Variants in LRRC9 observed in about 807,000 individuals in gnomAD.
The protein encoded by LRRC9 is leucine rich repeat containing 9, also known as leucine-rich repeat-containing protein 9.
In LRRC9, 122 loss-of-function variants were observed where a neutral mutation model predicts 63.2. The ratio of observed to expected loss-of-function variants is 1.93; its 90% CI spans 1.67 to 2.24. LRRC9 has a LOEUF of 2.24. Ranked by LOEUF, LRRC9 falls within the 30% of genes most tolerant of loss-of-function variation. The pLI is 0.00. For missense variants in LRRC9, 1,071 were observed against 627.7 expected, an observed-to-expected ratio of 1.71 and a Z score of -7.55; for synonymous variants, 366 against 213.1, an observed-to-expected ratio of 1.72 and a Z score of -6.25.
intron 8 of LRRC9, among the ~76,000 whole-genome samples, chr14:59,946,491 T>A (rs762799637): frequency 6.6e-6 from 1 of 151,000 alleles, no homozygotes. Flanking sequence ...TAATCTATTT[T>A]CTTTTTTTTT....
At chr14:60,063,249 A>C in intron 31 of LRRC9, 74 bp from the exon 33 acceptor site, 1 of 672,066 alleles carries the variant, frequency 1.5e-6, no homozygotes, top group Non-Finnish European at 2.7e-6. Flanking sequence ...TTATTGCAGA[A>C]TTACCTTAAG....
At position 59,975,113 on chromosome 14, in the gene LRRC9, GTATATATATATATGTATATATATATA is replaced by G. The variant is rs1886048134; in HGVS notation, c.1639+406_1639+431del. ...TGTATATATATATACATATATATATGTATATATATATATGTATATATATATACATATATATATGTATATATATATAT... is the reference window on the plus strand; with the variant it reads ...TGTATATATATATACATATATATATGCATATATATATGTATATATATATAT... On this transcript the variant is annotated intron_variant, in intron 13 of 31. Transcript: ENST00000445360. Among the ~76,000 whole-genome samples the G allele has an allele frequency of 9.6e-4, 13 of 13,534 alleles. 3 individuals are homozygous for G. In the South Asian group the frequency reaches 0.023, roughly 24 times the overall value. 8.9% of individuals were successfully genotyped at this position (13,534 alleles called of 152,430 possible).
chr14:60,033,362 T>G (rs1892150844), intron 29 of LRRC9, among the ~76,000 whole-genome samples: 1 of 152,170 alleles, frequency 6.6e-6, no homozygotes, highest in African/African-American at 2.4e-5. Flanking sequence ...TAGAAGTACT[T>G]ATAGTAAGTT....
At chr14:59,934,858 G>C (rs1419832240) in intron 6 of LRRC9, among the ~76,000 whole-genome samples, 1 of 151,954 alleles carries the variant, frequency 6.6e-6, no homozygotes, top group Non-Finnish European at 1.5e-5. Flanking sequence ...AAATCAATTA[G>C]AAACAAATAA....
chr14:59,992,959 C>T lies in LRRC9; in HGVS notation c.2212-4697C>T, dbSNP rs142732557. Reference sequence around the variant, plus strand: ...TCAAATTCAGGAAATACAGAGAACGCCACAAAGATACTCCTCAAGAAGAGC... The same window carrying T: ...TCAAATTCAGGAAATACAGAGAACGTCACAAAGATACTCCTCAAGAAGAGC... On this transcript the variant is annotated intron_variant, in intron 17 of 31. Coordinates refer to ENST00000445360, the Ensembl canonical transcript of LRRC9. Among the ~76,000 whole-genome samples, 368 of 152,216 alleles carry T rather than the reference C, an allele frequency of 2.4e-3. 2 individuals carry two copies. The highest frequency in any genetic ancestry group is 7.5e-3 in the African/African-American group (311 of 41,508).
At position 59,936,937 on chromosome 14, in the gene LRRC9, G is replaced by A. The variant is rs543646285; in HGVS notation, c.544-1453G>A. 6.6e-6 allele frequency among the ~76,000 whole-genome samples: 1 copy of A among 152,160 alleles called. No individual in the cohort carries two copies. The highest frequency in any genetic ancestry group is 2.1e-4 in the South Asian group (1 of 4,824). On this transcript the variant is annotated intron_variant, in intron 6 of 31. Coordinates refer to ENST00000445360, the Ensembl canonical transcript of LRRC9. The surrounding 1 kb of genome is among the most constrained non-coding windows in gnomAD (Gnocchi z 4.2). ...CTTCCTTTGGATTTCCCTTAACTCT[G>A]ATTCTGATTTTTCTAGCTAGCATTG...
rs1420554462 is a variant in LRRC9 at position 60,032,054 on chromosome 14, T to C, written c.3981T>C (p.Tyr1327=). 7.1e-6 allele frequency: 5 copies of C among 699,656 alleles called. No homozygotes were observed. The East Asian group carries it at 1.1e-4, about 15-fold the overall frequency. 43.3% of individuals were successfully genotyped at this position (699,656 alleles called of 1,614,324 possible). Residue 1327 remains tyrosine (Y), a synonymous_variant, in exon 29 of 32, where the codon TAT becomes TAC. Coordinates refer to ENST00000445360, the Ensembl canonical transcript of LRRC9. ...CTACTCTCAGGGAGCTTACAGTGTA[T>C]GGCAATCCAGTGAGTATGTTACCAT...
rs763308733 is a variant in LRRC9, at chr14:59,982,028, CT to C, written c.2061del (p.Ala688GlnfsTer10). On this transcript the variant is annotated frameshift_variant, in exon 16 of 32. Coordinates refer to ENST00000445360, the Ensembl canonical transcript of LRRC9. LOFTEE classifies it high-confidence loss of function. The stretch of plus-strand genomic sequence containing the variant: ...TTTGGATGATAAAACAATACTTTCC[CT>C]TGCAAAGACTAGCGTTTACAGTCAT... 1.4e-6 allele frequency: 1 copy of C among 702,136 alleles called. No homozygotes were observed. The highest frequency in any genetic ancestry group is 1.5e-5 in the South Asian group (1 of 67,344). The allele number at this position is 702,136 out of a possible 1,614,324, so 43.5% of individuals were successfully genotyped here. A position where few individuals can be genotyped will look rare whatever the true frequency, so the allele number is the denominator to read the frequency against.
At chr14:59,970,889 T>C (rs541870095) in intron 12 of LRRC9, among the ~76,000 whole-genome samples, 36 of 152,216 alleles carry the variant, frequency 2.4e-4, no homozygotes, top group African/African-American at 7.7e-4. Context: ...CTGTTTACTC[T>C]GTTGTTTCTT....
Position 59,952,236 on chromosome 14 carries a change from A to G in LRRC9, c.882+7492A>G, listed in dbSNP as rs1883229088. Among the ~76,000 whole-genome samples, 4 of 151,958 alleles carry G rather than the reference A, an allele frequency of 2.6e-5. No homozygotes were observed. The South Asian group carries it at 8.3e-4, about 32-fold the overall frequency. ...TTTTTAAGCCGGTCTGAAAAGCGCA[A>G]TATTCGGGTGGGAGTGACCCGATTT... On this transcript the variant is annotated intron_variant, in intron 8 of 31. Transcript: ENST00000445360.
At chr14:59,997,706 G>A (rs1323984119) in exon 18 of LRRC9, 1 of 702,456 alleles carries the variant, frequency 1.4e-6, no homozygotes, top group East Asian at 2.7e-5. Flanking sequence ...TAACCCTTGA[G>A]GGATTTAGAG....
chr14:59,952,372 C>T (rs965844523), intron 8 of LRRC9, among the ~76,000 whole-genome samples: 3 of 152,154 alleles, frequency 2.0e-5, no homozygotes, highest in Admixed American at 2.0e-4. Context: ...GCACGGTGCG[C>T]GCACCCACTG....
In LRRC9 at chr14:60,055,692, A is replaced by C. The variant is rs1383766962; in HGVS notation, c.4132-2186A>C. 2.6e-4 allele frequency among the ~76,000 whole-genome samples: 39 copies of C among 148,558 alleles called. 1 individual carries two copies. The Admixed American group carries it at 2.7e-3, about 10-fold the overall frequency. On this transcript the variant is annotated intron_variant, in intron 30 of 31. Coordinates refer to ENST00000445360, the Ensembl canonical transcript of LRRC9. ...TGGATCACTTGAGCCCACGAGTTGG[A>C]GTGCAGCCTGGGGAACATGGCAAAA... is the stretch of plus-strand genomic sequence containing the variant.
chr14:60,050,934 G>A (rs1893843120), intron 29 of LRRC9, among the ~76,000 whole-genome samples: 1 of 152,194 alleles, frequency 6.6e-6, no homozygotes, highest in African/African-American at 2.4e-5. Context: ...AGCAAAGATG[G>A]CAGCCTGCTC....
Position 59,990,052 on chromosome 14 carries a change from C to T in LRRC9, c.2211+4828C>T, listed in dbSNP as rs530934867. On this transcript the variant is annotated intron_variant, in intron 17 of 31. Coordinates refer to ENST00000445360, the Ensembl canonical transcript of LRRC9. This position sits in a 1 kb window ranked among gnomAD's most constrained non-coding sequence, Gnocchi z 4.2. ...AAGTAATTCTCCTGCCTTGGCCTCC[C>T]GACTAGATGGGATTACAGGTGCACA... Among the ~76,000 whole-genome samples, 6 of 152,060 alleles carry T rather than the reference C, an allele frequency of 3.9e-5. No homozygotes were observed. The highest frequency in any genetic ancestry group is 2.1e-4 in the South Asian group (1 of 4,822).
At chr14:60,006,170 A>T (rs1566869515) in intron 21 of LRRC9, among the ~76,000 whole-genome samples, 1 of 152,102 alleles carries the variant, frequency 6.6e-6, no homozygotes, top group Non-Finnish European at 1.5e-5. Context: ...AGAAGAAGGA[A>T]TCTACTTAGA....
intron 8 of LRRC9, among the ~76,000 whole-genome samples, chr14:59,955,729 G>A (rs892738060): frequency 2.6e-5 from 4 of 152,158 alleles, no homozygotes; most frequent in Non-Finnish European, 5.9e-5. Context: ...TAATTGTGAT[G>A]TTAGGGTGTC....
intron 10 of LRRC9, among the ~76,000 whole-genome samples, chr14:59,963,614 A>T (rs1284784662): frequency 6.6e-6 from 1 of 152,130 alleles, no homozygotes; most frequent in East Asian, 1.9e-4. Flanking sequence ...AAGACATAAC[A>T]TCTAGCATGG....
intron 14 of LRRC9, 67 bp downstream of exon 14, chr14:59,977,414 G>T (rs1470326454): frequency 3.7e-6 from 2 of 533,916 alleles, no homozygotes; most frequent in African/African-American, 3.9e-5. Flanking sequence ...GTTTAATACG[G>T]ATACTCACAA....
Sources: allele counts gnomAD v4.1 joint callset (sites outside exome capture counted in the v4.1 genomes callset), GRCh38; gene constraint gnomAD v4.1.1; non-coding constraint Gnocchi (gnomAD v3.1); transcripts MANE v1.5; gene names NCBI Gene and HGNC (gene_info 2026-07-23, HGNC 2026-07-21).